GLB1: variants seen among roughly 807,000 people sequenced by gnomAD.
The protein encoded by GLB1 is galactosidase beta 1.
A neutral mutation model predicts 74.0 loss-of-function variants in GLB1; 56 were observed. The ratio of observed to expected loss-of-function variants is 0.76; its 90% CI spans 0.61 to 0.94. The LOEUF (loss-of-function observed/expected upper bound fraction) is 0.94, where lower values mean the gene tolerates loss of function less well. GLB1 is among the 40% of genes least tolerant of loss of function. The pLI is 0.00. For missense variants in GLB1, 787 were observed against 845.5 expected, an observed-to-expected ratio of 0.93 and a Z score of 0.86; for synonymous variants, 323 against 323.6, an observed-to-expected ratio of 1.00 and a Z score of 0.02.
chr3:33,000,337 C>T (rs1696505529), intron 15 of GLB1, among the ~76,000 whole-genome samples: 1 of 152,106 alleles, frequency 6.6e-6, no homozygotes, highest in African/African-American at 2.4e-5. Context: ...TAAAGAGTAG[C>T]TATTTTTTAA....
chr3:33,035,432 A>C (rs1006980443), intron 10 of GLB1, among the ~76,000 whole-genome samples: 2 of 140,436 alleles, frequency 1.4e-5, no homozygotes, highest in East Asian at 3.9e-4. Context: ...ACACTGTCTC[A>C]AAAAAAAAAG....
intron 15 of GLB1, among the ~76,000 whole-genome samples, chr3:33,010,063 G>A (rs983887516): frequency 1.2e-4 from 18 of 152,156 alleles, no homozygotes; most frequent in African/African-American, 4.1e-4. Flanking sequence ...ACACTTGCAT[G>A]TAAGTTTTTA....
chr3:33,042,049 G>A (rs1421019873), intron 10 of GLB1, among the ~76,000 whole-genome samples: 2 of 152,054 alleles, frequency 1.3e-5, no homozygotes, highest in Non-Finnish European at 1.5e-5. Flanking sequence ...CTCCCCATCT[G>A]AAAATTATAT....
At chr3:33,015,463 G>A (rs1035484429) in intron 14 of GLB1, among the ~76,000 whole-genome samples, 2 of 152,178 alleles carry the variant, frequency 1.3e-5, no homozygotes. Context: ...GGCTGTCAAG[G>A]CTCAGCTAAC....
chr3:33,091,039 T>G, intron 1 of GLB1: 2 of 985,316 alleles, frequency 2.0e-6, no homozygotes, highest in South Asian at 4.7e-5. Flanking sequence ...AGTCAAACAT[T>G]ACCAGCCGCA....
Position 33,093,376 on chromosome 3 carries a change from C to T in GLB1, c.75+3635G>A, listed in dbSNP as rs1311786082. On this transcript the variant is annotated intron_variant, in intron 1 of 15. Coordinates refer to ENST00000307363, the MANE Select transcript of GLB1 (RefSeq NM_000404.4). The surrounding 1 kb of genome is among the most constrained non-coding windows in gnomAD (Gnocchi z 6.0). The stretch of plus-strand genomic sequence containing the variant: ...GTGTAGTACTCATGATTGCCTGTGA[C>T]GAAGTAGGCACCGAGATGTGAATGA... The T allele has an allele frequency of 6.8e-6, 11 of 1,614,062 alleles. No individual in the cohort carries two copies. Among genetic ancestry groups the T allele is most frequent in the South Asian group, 5.5e-5 (5 of 91,094 alleles).
chr3:32,999,806 A>G (rs1179704927), intron 15 of GLB1, among the ~76,000 whole-genome samples: 1 of 152,098 alleles, frequency 6.6e-6, no homozygotes, highest in Non-Finnish European at 1.5e-5. Flanking sequence ...GTGCACCACC[A>G]TGCCCAGCTC....
intron 9 of GLB1, among the ~76,000 whole-genome samples, chr3:33,048,405 G>T (rs1051708542): frequency 3.9e-5 from 6 of 152,218 alleles, no homozygotes; most frequent in Admixed American, 3.3e-4. Flanking sequence ...TGAAAGAAAT[G>T]GTGAGACTTT....
At chr3:33,071,522 C>T (rs1559411195) in intron 2 of GLB1, among the ~76,000 whole-genome samples, 1 of 152,178 alleles carries the variant, frequency 6.6e-6, no homozygotes, top group Non-Finnish European at 1.5e-5. Context: ...GCAGCAGAAC[C>T]ACAAAGCCAA....
At chr3:33,068,649 C>T (rs1699782273) in intron 3 of GLB1, among the ~76,000 whole-genome samples, 171 bp downstream of exon 3, 1 of 151,810 alleles carries the variant, frequency 6.6e-6, no homozygotes, top group Non-Finnish European at 1.5e-5. Context: ...TGCCCTGACC[C>T]TGGCCTGTTT....
In GLB1 at chr3:33,097,031, C is replaced by T. The variant is rs1156699298; in HGVS notation, c.55G>A (p.Gly19Ser). 4 of 1,612,256 alleles carry T rather than the reference C, an allele frequency of 2.5e-6. No individual in the cohort carries two copies. The highest frequency in any genetic ancestry group is 2.7e-5 in the African/African-American group (2 of 74,808). Residue 19 changes from glycine to serine, a missense_variant, in exon 1 of 16, where the codon GGC becomes AGC. Physicochemically the swap from Gly to Ser is moderately conservative, Grantham distance 56 (BLOSUM62 0). Transcript: ENST00000307363. ...CTTACGCGCAAGCCGCGCGTAGGGC[C>T]CAGAAGCAGCAGAACCAGCAACAGA... ...LPLLLVLLLLGPTRGLRNATQ... is the reference protein window; with the variant it reads ...LPLLLVLLLLSPTRGLRNATQ...
the GLB1 span, among the ~76,000 whole-genome samples, chr3:32,965,995 T>C: frequency 6.6e-6 from 1 of 152,210 alleles, no homozygotes; most frequent in Non-Finnish European, 1.5e-5. Context: ...AACGCTGGGA[T>C]GTCCAGGCAG....
chr3:33,071,379 T>C (rs540148772), intron 2 of GLB1, among the ~76,000 whole-genome samples: 2 of 152,338 alleles, frequency 1.3e-5, no homozygotes, highest in African/African-American at 4.8e-5. Flanking sequence ...GCAATCCACA[T>C]CAGCACTGCA....
chr3:32,989,107 G>T, the GLB1 span, among the ~76,000 whole-genome samples: 1 of 152,164 alleles, frequency 6.6e-6, no homozygotes, highest in South Asian at 2.1e-4. Flanking sequence ...TTTGCAAATG[G>T]CTTCTTGATA....
chr3:32,966,339 G>A, the GLB1 span, among the ~76,000 whole-genome samples: 1 of 152,202 alleles, frequency 6.6e-6, no homozygotes, highest in African/African-American at 2.4e-5. Flanking sequence ...AGATCATTTT[G>A]GAACTTTAAG....
chr3:33,022,564 A>ATTTCTTTTTTTTTT (rs1697539049), intron 11 of GLB1, among the ~76,000 whole-genome samples: 1 of 63,746 alleles, frequency 1.6e-5, no homozygotes, highest in African/African-American at 5.1e-5. Flanking sequence ...ACTGGTTAGG[A>ATTTCTTTTTTTTTT]TTTTTTTTTT....
chr3:33,076,942 G>GC (rs1700130646), intron 1 of GLB1, among the ~76,000 whole-genome samples: 1 of 152,148 alleles, frequency 6.6e-6, no homozygotes, highest in Non-Finnish European at 1.5e-5. Context: ...ATACAGAAGG[G>GC]CCCGGACACA....
chr3:33,057,315 C>T (rs1407024138), intron 6 of GLB1, among the ~76,000 whole-genome samples: 2 of 152,190 alleles, frequency 1.3e-5, no homozygotes, highest in Non-Finnish European at 2.9e-5. Flanking sequence ...GCCTGTGAGT[C>T]CATTAAACCT....
Position 33,058,248 on chromosome 3 carries a change from A to G in GLB1, c.574T>C (p.Tyr192His), listed in dbSNP as rs1408171481. The part of the protein sequence containing the change: ...TVQVENEYGS[Y>H]FACDFDYLRF... ...AGGTAGTCAAAATCACAGGCAAAGT[A>G]GCTGCCATATTCATTTTCAACCTGT... Residue 192 changes from tyrosine (Y) to histidine (H), a missense_variant, in exon 6 of 16, where the codon TAC (tyrosine) becomes CAC (histidine). Transcript: ENST00000307363. The G allele has an allele frequency of 6.2e-7, 1 of 1,614,110 alleles. No homozygotes were observed. Among genetic ancestry groups the G allele is most frequent in the East Asian group, 2.2e-5 (1 of 44,884 alleles).
Sources: gnomAD v4.1 joint callset for allele counts (sites outside exome capture counted in the v4.1 genomes callset) on GRCh38, gnomAD v4.1.1 for gene constraint, Gnocchi (gnomAD v3.1) non-coding constraint, MANE v1.5 for transcripts, NCBI Gene and HGNC (gene_info 2026-07-23, HGNC 2026-07-21) for gene names.